ANO2: variants seen among roughly 807,000 people sequenced by gnomAD.
The protein encoded by ANO2 is anoctamin 2.
In ANO2, 101 loss-of-function variants were observed where a neutral mutation model predicts 124.2. The ratio of observed to expected loss-of-function variants is 0.81; its 90% CI spans 0.69 to 0.96. The LOEUF is 0.96. Among genes scored for constraint, ANO2 ranks in the 40% least tolerant of loss-of-function variants. The pLI, the probability that ANO2 is intolerant of heterozygous loss-of-function variation, is 0.00. For synonymous variants in ANO2, 486 were observed against 482.5 expected (o/e 1.01, Z -0.09); for missense variants, 1,293 against 1,274.5 (o/e 1.01, Z -0.22).
At chr12:5,838,510 C>T (rs959277943) in intron 4 of ANO2, among the ~76,000 whole-genome samples, 4 of 152,156 alleles carry the variant, frequency 2.6e-5, no homozygotes, top group African/African-American at 9.7e-5. Context: ...CCCCGTAGTA[C>T]ACACCATACA....
At chr12:5,836,347 A>C (rs1954317193) in intron 4 of ANO2, among the ~76,000 whole-genome samples, 1 of 152,242 alleles carries the variant, frequency 6.6e-6, no homozygotes, top group Non-Finnish European at 1.5e-5. Flanking sequence ...TAAAACAATA[A>C]ATTTTAAATG....
intron 10 of ANO2, among the ~76,000 whole-genome samples, chr12:5,758,110 C>T (rs1951633864): frequency 6.6e-6 from 1 of 152,062 alleles, no homozygotes; most frequent in South Asian, 2.1e-4. Context: ...GGGACCTGAC[C>T]CAAGGACCTA....
chr12:5,750,792 A>C, intron 11 of ANO2, 44 bp downstream of exon 11: 2 of 1,588,558 alleles, frequency 1.3e-6, no homozygotes, highest in Non-Finnish European at 1.7e-6. Flanking sequence ...ACTCCAAATT[A>C]TTAACATATG....
intron 10 of ANO2, among the ~76,000 whole-genome samples, chr12:5,776,342 G>A (rs1443897163): frequency 6.6e-6 from 1 of 152,180 alleles, no homozygotes; most frequent in African/African-American, 2.4e-5. Flanking sequence ...CAGGTCTTCG[G>A]CTACCATTGC....
chr12:5,928,034 G>A (rs1942167028), intron 1 of ANO2, among the ~76,000 whole-genome samples: 1 of 152,170 alleles, frequency 6.6e-6, no homozygotes, highest in African/African-American at 2.4e-5. Context: ...GCAAGACAGG[G>A]CCAGATTGTG....
At chr12:5,648,610 C>A (rs1419970823) in intron 14 of ANO2, among the ~76,000 whole-genome samples, 2 of 152,326 alleles carry the variant, frequency 1.3e-5, no homozygotes, top group African/African-American at 2.4e-5. Flanking sequence ...TGGTAAACAG[C>A]TCTGCTAATT....
At chr12:5,803,514 TC>T (rs1229086819) in intron 9 of ANO2, among the ~76,000 whole-genome samples, 2 of 152,090 alleles carry the variant, frequency 1.3e-5, no homozygotes, top group Admixed American at 6.5e-5. Flanking sequence ...CTTTGGGTTC[TC>T]CCCTGTAAGT....
At chr12:5,852,064 A>C (rs905747470) in intron 4 of ANO2, 18 of 700,348 alleles carry the variant, frequency 2.6e-5, no homozygotes, top group Non-Finnish European at 4.7e-5. Context: ...AGAAAGGAGA[A>C]TAATATATTG....
chr12:5,672,384 A>G (rs1591866143), intron 14 of ANO2, among the ~76,000 whole-genome samples: 1 of 152,142 alleles, frequency 6.6e-6, no homozygotes, highest in Non-Finnish European at 1.5e-5. Context: ...GGAGCCGGGG[A>G]ACTATGTTAA....
At chr12:5,721,508 TTTTG>T (rs1348391197) in intron 14 of ANO2, among the ~76,000 whole-genome samples, 1 of 150,518 alleles carries the variant, frequency 6.6e-6, no homozygotes, top group Non-Finnish European at 1.5e-5. Context: ...GGTTTTTTTT[TTTTG>T]TTTTTTTTTA....
intron 7 of ANO2, among the ~76,000 whole-genome samples, chr12:5,818,509 A>AT (rs1491260702): frequency 1.5e-5 from 1 of 66,892 alleles, no homozygotes; most frequent in African/African-American, 4.3e-5. Flanking sequence ...ATGTAATAGG[A>AT]TATATATATA....
intron 9 of ANO2, among the ~76,000 whole-genome samples, chr12:5,803,113 C>T (rs1031125458): frequency 3.9e-5 from 6 of 152,310 alleles, no homozygotes; most frequent in South Asian, 4.1e-4. Context: ...AGCAGCTAGA[C>T]CTGAGACAGG....
intron 16 of ANO2, among the ~76,000 whole-genome samples, chr12:5,616,699 G>A (rs1443128374): frequency 1.3e-5 from 2 of 152,124 alleles, no homozygotes; most frequent in African/African-American, 4.8e-5. Context: ...TATAGCTTTT[G>A]TAGGAATCGC....
In ANO2 at chr12:5,873,244, T is replaced by TCTCTCTCTCTCC. The variant is rs1253108658; in HGVS notation, c.535-19104_535-19103insGGAGAGAGAGAG. Among the ~76,000 whole-genome samples the TCTCTCTCTCTCC allele has an allele frequency of 1.3e-3, 178 of 141,788 alleles. 8 individuals carry two copies. The highest frequency in any genetic ancestry group is 5.0e-3 in the African/African-American group (172 of 34,192). The allele number at this position is 141,788 out of a possible 152,430, so 93.0% of individuals were successfully genotyped here. Reference sequence around the variant, plus strand: ...CTCTCTCTCTCTCTCTCTCTCTCTCTCTGTCTGTCTCTCTCCCTTTCTCTC... The same window carrying TCTCTCTCTCTCC: ...CTCTCTCTCTCTCTCTCTCTCTCTCTCTCTCTCTCTCCCTGTCTGTCTCTCTCCCTTTCTCTC... On this transcript the variant is annotated intron_variant, in intron 3 of 24. Coordinates refer to ENST00000682330, the MANE Select transcript of ANO2 (RefSeq NM_001364791.2).
rs188248209 is a variant in ANO2 at position 5,760,772 on chromosome 12, A to G, written c.1056-9802T>C. 4.9e-3 allele frequency among the ~76,000 whole-genome samples: 740 copies of G among 152,164 alleles called. 7 individuals are homozygous for G. The highest frequency in any genetic ancestry group is 0.02 in the Middle Eastern group (6 of 294). ...AAATCTGGTCCCATCCCCTCAACAG[A>G]TTCCTTTAACACCTAAAACTCCTCC... On this transcript the variant is annotated intron_variant, in intron 10 of 24. Coordinates refer to ENST00000682330, the MANE Select transcript of ANO2 (RefSeq NM_001364791.2).
In ANO2 at chr12:5,612,752, G is replaced by A. The variant is rs767067031; in HGVS notation, c.1991C>T (p.Ala664Val). 1.9e-6 allele frequency: 3 copies of A among 1,613,836 alleles called. No homozygotes were observed. Among genetic ancestry groups the A allele is most frequent in the East Asian group, 2.2e-5 (1 of 44,866 alleles). The change falls in exon 19 of 25, where the codon GCT (alanine) becomes GTT (valine). Residue 664 changes from alanine (A) to valine (V), a missense_variant. Ala to Val is a moderately conservative substitution (Grantham distance 64). Coordinates refer to ENST00000682330, the MANE Select transcript of ANO2 (RefSeq NM_001364791.2). ...VFDGYRMEEC[A>V]PGGCLMELCI... is the part of the protein sequence containing the mutation. ...GAGCTCCATGAGACAGCCCCCTGGA[G>A]CACACTGCAGGGAGAAGATAAGGAA...
chr12:5,707,434 G>A (rs1454290601), intron 14 of ANO2, among the ~76,000 whole-genome samples: 1 of 152,008 alleles, frequency 6.6e-6, no homozygotes, highest in Non-Finnish European at 1.5e-5. Context: ...ATTCCTTTAG[G>A]TCTATATCAT....
At chr12:5,800,205 A>G (rs753205610) in intron 9 of ANO2, among the ~76,000 whole-genome samples, 4 of 152,230 alleles carry the variant, frequency 2.6e-5, no homozygotes, top group Non-Finnish European at 5.9e-5. Context: ...AGGCAAGTGC[A>G]TATGGCACAT....
chr12:5,569,196 C>T (rs1168387988), intron 23 of ANO2, among the ~76,000 whole-genome samples: 1 of 152,168 alleles, frequency 6.6e-6, no homozygotes, highest in Non-Finnish European at 1.5e-5. Context: ...AGGTAAATAG[C>T]ATGAAATGGG....
Sources: gnomAD v4.1 joint callset for allele counts (sites outside exome capture counted in the v4.1 genomes callset) on GRCh38, gnomAD v4.1.1 for gene constraint, MANE v1.5 for transcripts, NCBI Gene and HGNC (gene_info 2026-07-23, HGNC 2026-07-21) for gene names.